The following ERBB4 variants were observed in gnomAD, a reference collection of about 807,000 sequenced individuals.
ERBB4 encodes receptor tyrosine-protein kinase erbB-4.
A neutral mutation model predicts 158.0 loss-of-function variants in ERBB4; 42 were observed. The ratio of observed to expected loss-of-function variants is 0.27; its 90% CI spans 0.21 to 0.34. The LOEUF (loss-of-function observed/expected upper bound fraction) is 0.34, where lower values mean the gene tolerates loss of function less well. Among genes scored for constraint, ERBB4 ranks in the 10% least tolerant of loss-of-function variants. The probability of loss-of-function intolerance (pLI) is 1.00; values close to 1 mark genes in which losing one functional copy is unlikely to be tolerated. For missense variants in ERBB4, 1,333 were observed against 1,624.1 expected, an observed-to-expected ratio of 0.82 and a Z score of 3.08; for synonymous variants, 583 against 558.7, an observed-to-expected ratio of 1.04 and a Z score of -0.61.
At position 211,491,457 on chromosome 2, in the gene ERBB4, AT is replaced by A. The variant is rs1366615066; in HGVS notation, c.2488-60358del. Among the ~76,000 whole-genome samples the A allele has an allele frequency of 6.6e-5, 10 of 152,176 alleles. No homozygotes were observed. In the East Asian group the frequency reaches 1.2e-3, roughly 18 times the overall value. The stretch of plus-strand genomic sequence containing the variant: ...ATCACAATTCATTTCAATAAGGCTA[AT>A]ATTTATTGAAAATGCTCATAAGTGG... On this transcript the variant is annotated intron_variant, in intron 20 of 27. Transcript: ENST00000342788.
intron 3 of ERBB4, among the ~76,000 whole-genome samples, chr2:211,845,805 CAG>C (rs1286231143): frequency 6.6e-6 from 1 of 152,096 alleles, no homozygotes; most frequent in Non-Finnish European, 1.5e-5. Flanking sequence ...TACTTTTTGT[CAG>C]AGTGACATAA....
intron 19 of ERBB4, among the ~76,000 whole-genome samples, chr2:211,586,528 T>C (rs2068284632): frequency 6.6e-6 from 1 of 152,208 alleles, no homozygotes; most frequent in African/African-American, 2.4e-5. Context: ...GAAACCCTTT[T>C]CTTTTCTTGC....
intron 1 of ERBB4, among the ~76,000 whole-genome samples, chr2:212,424,470 C>T (rs1169196470): frequency 6.6e-6 from 1 of 152,016 alleles, no homozygotes; most frequent in African/African-American, 2.4e-5. Flanking sequence ...CATAAAAGCC[C>T]ACTTATTTTT....
At chr2:212,303,233 C>T (rs1396133959) in intron 1 of ERBB4, among the ~76,000 whole-genome samples, 1 of 151,340 alleles carries the variant, frequency 6.6e-6, no homozygotes, top group Non-Finnish European at 1.5e-5. Context: ...TTTCTGTCTC[C>T]TTCAGTGCTT....
intron 1 of ERBB4, among the ~76,000 whole-genome samples, chr2:212,537,150 C>CGGCGGCGGCGGCAGG (rs576146218): frequency 6.6e-6 from 1 of 151,094 alleles, no homozygotes; most frequent in Non-Finnish European, 1.5e-5. Context: ...GCGGCGGCGG[C>CGGCGGCGGCGGCAGG]GGCGGAGCGG....
At chr2:211,810,516 G>A (rs903100459) in intron 3 of ERBB4, among the ~76,000 whole-genome samples, 8 of 152,014 alleles carry the variant, frequency 5.3e-5, no homozygotes, top group East Asian at 1.9e-4. Context: ...TTGCAACCCC[G>A]GCCGTTTTTT....
In ERBB4 at chr2:211,762,322, G is replaced by T. The variant is rs761686399; in HGVS notation, c.557-11618C>A. 2.6e-5 allele frequency among the ~76,000 whole-genome samples: 4 copies of T among 152,176 alleles called. No homozygotes were observed. In the South Asian group the frequency reaches 8.3e-4, roughly 32 times the overall value. On this transcript the variant is annotated intron_variant, in intron 4 of 27. Transcript: ENST00000342788. Reference sequence around the variant, plus strand: ...CAGGCATAGCAGACAAAGACAAGCGGGTTTCAAAGATTTCTGCATCCTTTG... The same window carrying T: ...CAGGCATAGCAGACAAAGACAAGCGTGTTTCAAAGATTTCTGCATCCTTTG...
intron 19 of ERBB4, among the ~76,000 whole-genome samples, chr2:211,572,557 T>C (rs1437712304): frequency 6.6e-6 from 1 of 152,160 alleles, no homozygotes; most frequent in Non-Finnish European, 1.5e-5. Context: ...AGAGTGAGTT[T>C]GGTACTTATC....
chr2:212,388,241 G>A (rs2090743018), intron 1 of ERBB4, among the ~76,000 whole-genome samples: 1 of 152,130 alleles, frequency 6.6e-6, no homozygotes, highest in South Asian at 2.1e-4. Context: ...GTTGGAAGTA[G>A]CTGTTAACTC....
intron 2 of ERBB4, among the ~76,000 whole-genome samples, chr2:212,113,313 C>T (rs965493046): frequency 1.4e-4 from 21 of 151,954 alleles, no homozygotes; most frequent in Non-Finnish European, 2.6e-4. Context: ...CGGTGGCTCA[C>T]GCCTGTAATC....
chr2:212,345,764 A>T (rs2088968431), intron 1 of ERBB4, among the ~76,000 whole-genome samples: 1 of 152,176 alleles, frequency 6.6e-6, no homozygotes, highest in South Asian at 2.1e-4. Flanking sequence ...AATTTAAATC[A>T]TTATATGTAA....
intron 1 of ERBB4, among the ~76,000 whole-genome samples, chr2:212,248,913 A>G (rs2084413354): frequency 6.6e-6 from 1 of 152,012 alleles, no homozygotes; most frequent in Non-Finnish European, 1.5e-5. Context: ...ATACATTTCT[A>G]TTTTCTCCTG....
rs568814525 is a variant in ERBB4 at position 211,571,134 on chromosome 2, C to T, written c.2302-9046G>A. Among the ~76,000 whole-genome samples the T allele has an allele frequency of 6.6e-5, 10 of 150,510 alleles. No individual in the cohort carries two copies. In the South Asian group the frequency reaches 2.1e-3, roughly 32 times the overall value. The stretch of plus-strand genomic sequence containing the variant: ...CTCGGCTCATTGCAACCTCCGCCTC[C>T]CGTGTTCAAGCAATTCTCCTGCCTC... On this transcript the variant is annotated intron_variant, in intron 19 of 27. Transcript: ENST00000342788.
intron 16 of ERBB4, among the ~76,000 whole-genome samples, chr2:211,654,643 G>A (rs917425802): frequency 6.6e-6 from 1 of 152,090 alleles, no homozygotes; most frequent in African/African-American, 2.4e-5. Flanking sequence ...CTGTATGCTG[G>A]CTATTGTGCA....
chr2:211,704,965 G>A (rs1400655315), intron 10 of ERBB4, among the ~76,000 whole-genome samples: 1 of 151,876 alleles, frequency 6.6e-6, no homozygotes, highest in Non-Finnish European at 1.5e-5. Flanking sequence ...TTTGTTTTTT[G>A]TTGTTATTTT....
At chr2:212,439,127 C>A (rs552016852) in intron 1 of ERBB4, among the ~76,000 whole-genome samples, 2 of 152,200 alleles carry the variant, frequency 1.3e-5, no homozygotes, top group East Asian at 3.9e-4. Context: ...TTCACTACTT[C>A]TCAAGATTTG....
chr2:212,381,702 T>C (rs2090509584), intron 1 of ERBB4, among the ~76,000 whole-genome samples: 5 of 151,406 alleles, frequency 3.3e-5, no homozygotes, highest in African/African-American at 1.2e-4. Flanking sequence ...AAAAATCCAG[T>C]TGAGCTGTCT....
At chr2:211,808,658 T>C (rs184583961) in intron 3 of ERBB4, among the ~76,000 whole-genome samples, 2 of 152,228 alleles carry the variant, frequency 1.3e-5, no homozygotes, top group Non-Finnish European at 2.9e-5. Context: ...TTTCCAGTTC[T>C]GTGAAGAAAG....
At chr2:211,806,355 T>C (rs965888422) in intron 3 of ERBB4, among the ~76,000 whole-genome samples, 6 of 152,156 alleles carry the variant, frequency 3.9e-5, no homozygotes, top group Admixed American at 6.6e-5. Context: ...AAATTCTTTT[T>C]AACTTAGAAT....
Sources: allele counts gnomAD v4.1 joint callset (sites outside exome capture counted in the v4.1 genomes callset), GRCh38; gene constraint gnomAD v4.1.1; transcripts MANE v1.5; gene names NCBI Gene and HGNC (gene_info 2026-07-23, HGNC 2026-07-21).